CPQ: variants seen among roughly 807,000 people sequenced by gnomAD.
The protein encoded by CPQ is carboxypeptidase Q, also known as Ser-Met dipeptidase.
A neutral mutation model predicts 45.7 loss-of-function variants in CPQ; 37 were observed. That is an observed-to-expected ratio of 0.81 (90% confidence interval 0.62 to 1.07). CPQ has a LOEUF of 1.07. Among genes scored for constraint, CPQ ranks in the 50% least tolerant of loss-of-function variants. The pLI is 0.00. For missense variants in CPQ, 537 were observed against 572.9 expected (o/e 0.94, Z 0.64); for synonymous variants, 186 against 205.8 (o/e 0.90, Z 0.82).
At position 97,143,223 on chromosome 8, in the gene CPQ, A is replaced by T; in HGVS notation, c.*40A>T. On this transcript the variant is annotated 3_prime_UTR_variant, in exon 8 of 8. Coordinates refer to ENST00000220763, the MANE Select transcript of CPQ (RefSeq NM_016134.4). ...AAACGTTTTCATGCTTCTGGCCAGGAATCCTGGGTCTGCAACTTTGGAAAA... is the reference window on the plus strand; with the variant it reads ...AAACGTTTTCATGCTTCTGGCCAGGTATCCTGGGTCTGCAACTTTGGAAAA... 1 of 1,604,486 alleles carries T rather than the reference A, an allele frequency of 6.2e-7. No individual in the cohort carries two copies. Among genetic ancestry groups the T allele is most frequent in the Non-Finnish European group, 8.5e-7 (1 of 1,174,524 alleles).
At position 97,117,326 on chromosome 8, in the gene CPQ, C is replaced by T. The variant is rs182530001; in HGVS notation, c.1256-25694C>T. 3.0e-3 allele frequency among the ~76,000 whole-genome samples: 452 copies of T among 152,198 alleles called. 1 individual carries two copies. The highest frequency in any genetic ancestry group is 9.2e-3 in the African/African-American group (382 of 41,510). On this transcript the variant is annotated intron_variant, in intron 7 of 7. Transcript: ENST00000220763. ...GTTAGTTGTCAATTCATTCAACAAA[C>T]ATTTATTCAGCAGTTAGAGTGACTA...
intron 1 of CPQ, among the ~76,000 whole-genome samples, chr8:96,763,052 A>G (rs1394795537): frequency 6.6e-6 from 1 of 152,096 alleles, no homozygotes; most frequent in Non-Finnish European, 1.5e-5. Context: ...ATAGATGGCC[A>G]TCTTCTCCTT....
At chr8:96,783,740 G>A (rs917507957) in intron 1 of CPQ, among the ~76,000 whole-genome samples, 1 of 152,122 alleles carries the variant, frequency 6.6e-6, no homozygotes, top group Non-Finnish European at 1.5e-5. Context: ...CTAGCCACAC[G>A]TATCTATTGA....
At chr8:96,662,685 T>TA (rs1808848641) in intron 1 of CPQ, among the ~76,000 whole-genome samples, 1 of 152,180 alleles carries the variant, frequency 6.6e-6, no homozygotes, top group African/African-American at 2.4e-5. Flanking sequence ...TGTTGGTTTT[T>TA]CAAAAATTAT....
intron 5 of CPQ, among the ~76,000 whole-genome samples, chr8:97,003,917 T>C (rs186288327): frequency 7.6e-4 from 115 of 152,314 alleles, no homozygotes; most frequent in Non-Finnish European, 4.6e-4. Context: ...TCTTTACTAA[T>C]CAGACTTAGT....
intron 4 of CPQ, among the ~76,000 whole-genome samples, chr8:96,906,209 T>C (rs1264527854): frequency 2.0e-5 from 3 of 152,180 alleles, no homozygotes; most frequent in African/African-American, 7.2e-5. Context: ...CCAGAATACA[T>C]CCTGTGTTCC....
chr8:96,965,562 G>C (rs1813541546), intron 4 of CPQ, among the ~76,000 whole-genome samples: 1 of 151,752 alleles, frequency 6.6e-6, no homozygotes, highest in Non-Finnish European at 1.5e-5. Context: ...GTAGAGACAG[G>C]GTTTCACCGT....
At chr8:96,766,050 A>G (rs1183226229) in intron 1 of CPQ, among the ~76,000 whole-genome samples, 2 of 152,156 alleles carry the variant, frequency 1.3e-5, no homozygotes, top group Admixed American at 1.3e-4. Flanking sequence ...TACCTCCTCA[A>G]AGAAGCGGGG....
chr8:96,782,036 C>T (rs947249880), intron 1 of CPQ, among the ~76,000 whole-genome samples: 4 of 152,124 alleles, frequency 2.6e-5, no homozygotes, highest in Non-Finnish European at 4.4e-5. Context: ...TTTGCTGGAA[C>T]GTTGGAGTCT....
At chr8:96,696,555 A>T (rs1028068673) in intron 1 of CPQ, among the ~76,000 whole-genome samples, 1 of 152,072 alleles carries the variant, frequency 6.6e-6, no homozygotes, top group Non-Finnish European at 1.5e-5. Flanking sequence ...TAAAATTAAA[A>T]AATAGTACAA....
chr8:97,114,245 G>A lies in CPQ; in HGVS notation c.1256-28775G>A, dbSNP rs559935968. On this transcript the variant is annotated intron_variant, in intron 7 of 7. Transcript: ENST00000220763. The stretch of plus-strand genomic sequence containing the variant: ...TTTCAAAGTAGTTGGCACGTGGTTG[G>A]TGATCCATAGTGCAGGTTTCCTTTC... Among the ~76,000 whole-genome samples, 6 of 152,294 alleles carry A rather than the reference G, an allele frequency of 3.9e-5. No homozygotes were observed. In the South Asian group the frequency reaches 1.2e-3, roughly 32 times the overall value.
At chr8:96,875,000 A>G (rs1812126973) in intron 3 of CPQ, among the ~76,000 whole-genome samples, 1 of 151,722 alleles carries the variant, frequency 6.6e-6, no homozygotes, top group African/African-American at 2.4e-5. Context: ...GCTTGTTTTT[A>G]TCTCTTTTTG....
intron 2 of CPQ, among the ~76,000 whole-genome samples, chr8:96,807,401 T>G (rs1419549217): frequency 2.0e-5 from 3 of 151,816 alleles, no homozygotes; most frequent in African/African-American, 7.3e-5. Flanking sequence ...GCCCGGCTGA[T>G]TTTTTGTATT....
chr8:96,651,224 G>A (rs1252115353), intron 1 of CPQ, among the ~76,000 whole-genome samples: 1 of 152,190 alleles, frequency 6.6e-6, no homozygotes, highest in Non-Finnish European at 1.5e-5. Flanking sequence ...GCTGGGAAAT[G>A]GAGAGAGAAG....
chr8:97,044,202 T>C (rs1226404374), intron 6 of CPQ, among the ~76,000 whole-genome samples: 1 of 152,182 alleles, frequency 6.6e-6, no homozygotes, highest in East Asian at 1.9e-4. Context: ...CTTTTTTCTC[T>C]AAAAATCCCT....
rs747687059 is a variant in CPQ, at chr8:96,926,665, ATTC to A, written c.850-39253_850-39251del. ...TCTTCTTCTCCTTCTCCTTCTCCCT[ATTC>A]TTCTTCTTCTTCTTCTCTTTTTATT... On this transcript the variant is annotated intron_variant, in intron 4 of 7. Coordinates refer to ENST00000220763, the MANE Select transcript of CPQ (RefSeq NM_016134.4). 8.0e-4 allele frequency among the ~76,000 whole-genome samples: 77 copies of A among 96,348 alleles called. 1 individual carries two copies. The highest frequency in any genetic ancestry group is 7.6e-3 in the Middle Eastern group (1 of 132). 63.2% of individuals were successfully genotyped at this position (96,348 alleles called of 152,430 possible). A position where few individuals can be genotyped will look rare whatever the true frequency, so the allele number is the denominator to read the frequency against.
chr8:96,898,102 A>G (rs1338813273), intron 4 of CPQ, among the ~76,000 whole-genome samples: 1 of 152,154 alleles, frequency 6.6e-6, no homozygotes, highest in Non-Finnish European at 1.5e-5. Flanking sequence ...ACCTCTCCCA[A>G]CATTTGTGCT....
intron 3 of CPQ, among the ~76,000 whole-genome samples, chr8:96,878,689 C>G (rs765371202): frequency 6.6e-6 from 1 of 152,140 alleles, no homozygotes; most frequent in Non-Finnish European, 1.5e-5. Flanking sequence ...GATAAGAATG[C>G]ATCATTGTGT....
intron 3 of CPQ, among the ~76,000 whole-genome samples, chr8:96,854,486 G>C (rs1275972979): frequency 2.1e-4 from 25 of 119,624 alleles, no homozygotes; most frequent in African/African-American, 7.8e-4. Flanking sequence ...AGCCGAGATT[G>C]CGCCACTGCA....
Sources: gnomAD v4.1 joint callset for allele counts (sites outside exome capture counted in the v4.1 genomes callset) on GRCh38, gnomAD v4.1.1 for gene constraint, MANE v1.5 for transcripts, NCBI Gene and HGNC (gene_info 2026-07-23, HGNC 2026-07-21) for gene names.